MED1: variants seen among roughly 807,000 people sequenced by gnomAD.
The protein encoded by MED1 is mediator of RNA polymerase II transcription subunit 1.
In MED1, 17 loss-of-function variants were observed where a neutral mutation model predicts 121.3. The ratio of observed to expected loss-of-function variants is 0.14; its 90% CI spans 0.10 to 0.21. The LOEUF is 0.21. MED1 is among the 10% of genes least tolerant of loss of function. The pLI, the probability that MED1 is intolerant of heterozygous loss-of-function variation, is 1.00. For missense variants in MED1, 1,558 were observed against 1,919.4 expected (o/e 0.81, Z 3.52); for synonymous variants, 661 against 694.4 (o/e 0.95, Z 0.76).
rs1361283656 is a variant in MED1 at position 39,434,735 on chromosome 17, G to A, written c.429-415C>T. Reference sequence around the variant, plus strand: ...GCCAGACTCTAACTCCAGGACTTCAGCAATGCTCTCACTTCAACCTCTCAC... The same window carrying A: ...GCCAGACTCTAACTCCAGGACTTCAACAATGCTCTCACTTCAACCTCTCAC... On this transcript the variant is annotated intron_variant, in intron 6 of 16. Transcript: ENST00000300651. Among the ~76,000 whole-genome samples, 3 of 152,232 alleles carry A rather than the reference G, an allele frequency of 2.0e-5. No homozygotes were observed. The East Asian group carries it at 5.8e-4, about 29-fold the overall frequency.
intron 6 of MED1, among the ~76,000 whole-genome samples, chr17:39,438,882 G>A (rs1433553251): frequency 5.9e-5 from 9 of 152,194 alleles, no homozygotes; most frequent in South Asian, 4.1e-4. Flanking sequence ...CCAGGAGGCA[G>A]AGGTTGCAGT....
intron 14 of MED1, among the ~76,000 whole-genome samples, chr17:39,419,126 G>T (rs1396596680): frequency 2.0e-5 from 3 of 151,540 alleles, no homozygotes; most frequent in African/African-American, 7.3e-5. Context: ...GTGTTACCCA[G>T]GTTGGAGTGC....
chr17:39,415,320 TTGGAGAAGCCC>T lies in MED1; in HGVS notation c.1306_1316del (p.Gly436IlefsTer2). ...ACTCTGAGAGAGGACACACTTCAAA[TTGGAGAAGCCC>T]AGGAGAATCTAAAAGGCAAAGAGAA... On this transcript the variant is annotated frameshift_variant, in exon 15 of 17. Coordinates refer to ENST00000300651, the MANE Select transcript of MED1 (RefSeq NM_004774.4). LOFTEE classifies it high-confidence loss of function. The T allele has an allele frequency of 6.2e-7, 1 of 1,612,918 alleles. No homozygotes were observed. Among genetic ancestry groups the T allele is most frequent in the Non-Finnish European group, 8.5e-7 (1 of 1,179,134 alleles).
Position 39,408,645 on chromosome 17 carries a change from G to A in MED1, c.3576C>T (p.Ser1192=). 6.2e-7 allele frequency: 1 copy of A among 1,614,100 alleles called. No individual in the cohort carries two copies. The highest frequency in any genetic ancestry group is 8.5e-7 in the Non-Finnish European group (1 of 1,180,020). The stretch of plus-strand genomic sequence containing the variant: ...CTCCAGGTGGCCTTGAATGAGAAGG[G>A]GATATGTTTGGTTTACTTAAAGAAG... ...MNPSLSKPNI[S]PSHSRPPGGS... The change falls in exon 17 of 17, where the codon TCC becomes TCT. Residue 1192 remains serine (S), a synonymous_variant. Transcript: ENST00000300651. The surrounding 1 kb of genome is among the most constrained non-coding windows in gnomAD (Gnocchi z 4.7).
chr17:39,422,227 G>A lies in MED1; in HGVS notation c.1095+1100C>T, dbSNP rs191275333. Among the ~76,000 whole-genome samples the A allele has an allele frequency of 8.6e-5, 13 of 151,020 alleles. No homozygotes were observed. In the East Asian group the frequency reaches 2.2e-3, roughly 25 times the overall value. ...TTGCCAGGCTGAAGCGCAGTGGTGC[G>A]ATCTTGGCTCACTGCAACCTTCGTC... On this transcript the variant is annotated intron_variant, in intron 13 of 16. Coordinates refer to ENST00000300651, the MANE Select transcript of MED1 (RefSeq NM_004774.4).
At chr17:39,417,585 C>T (rs547047571) in intron 14 of MED1, among the ~76,000 whole-genome samples, 90 of 152,146 alleles carry the variant, frequency 5.9e-4, no homozygotes, top group East Asian at 7.7e-4. Flanking sequence ...GCCGAAATTG[C>T]GCCACTGCAC....
chr17:39,427,886 GTACTT>G (rs2144745845), intron 9 of MED1, 96 bp from the exon 10 acceptor site: 1 of 777,160 alleles, frequency 1.3e-6, no homozygotes, highest in African/African-American at 1.8e-5. Flanking sequence ...ATTCAAGAAA[GTACTT>G]TAACATATAT....
intron 7 of MED1, among the ~76,000 whole-genome samples, chr17:39,432,834 G>A (rs1021498998): frequency 7.9e-5 from 12 of 152,234 alleles, no homozygotes; most frequent in Admixed American, 6.5e-4. Context: ...GGAGGCCGAA[G>A]CGGGTAGATC....
rs2048500154 is a variant in MED1, at chr17:39,424,861, C to T, written c.740-123G>A. 4 of 623,812 alleles carry T rather than the reference C, an allele frequency of 6.4e-6. No individual in the cohort carries two copies. In the South Asian group the frequency reaches 7.8e-5, roughly 12 times the overall value. The allele number at this position is 623,812 out of a possible 1,614,324, so 38.6% of individuals were successfully genotyped here. ...TATAATTTATCAGATGCTGTTATTC[C>T]CTTATTTATTTATTTATGTATTTAT... On this transcript the variant is annotated intron_variant, in intron 10 of 16. Transcript: ENST00000300651.
intron 16 of MED1, 149 bp from the exon 17 acceptor site, chr17:39,410,870 A>C (rs765672772): frequency 1.6e-5 from 20 of 1,220,752 alleles, no homozygotes; most frequent in Non-Finnish European, 2.2e-5. Flanking sequence ...CAAATACCAG[A>C]GCTTTGGGTA....
chr17:39,409,609 T>C lies in MED1; in HGVS notation c.2612A>G (p.Asn871Ser). 1.2e-6 allele frequency: 2 copies of C among 1,614,226 alleles called. No homozygotes were observed. The highest frequency in any genetic ancestry group is 1.1e-5 in the South Asian group (1 of 91,088). The change falls in exon 17 of 17, where the codon AAC becomes AGC. Residue 871 changes from asparagine to serine, a missense_variant. Asn to Ser is a conservative substitution (Grantham distance 46). Coordinates refer to ENST00000300651, the MANE Select transcript of MED1 (RefSeq NM_004774.4). Reference sequence around the variant, plus strand: ...TCCAAAACCACTTTGGCTCTGGCTGTTCAATAAATCAGGATTGAAATCTAC... The same window carrying C: ...TCCAAAACCACTTTGGCTCTGGCTGCTCAATAAATCAGGATTGAAATCTAC... ...DGVDFNPDLL[N>S]SQSQSGFGEE...
chr17:39,420,341 A>G (rs1424573557), intron 13 of MED1, among the ~76,000 whole-genome samples: 1 of 151,498 alleles, frequency 6.6e-6, no homozygotes, highest in Non-Finnish European at 1.5e-5. Flanking sequence ...CTGCGACTAT[A>G]GGCACCCGCC....
At chr17:39,422,863 CTT>C (rs372712559) in intron 13 of MED1, among the ~76,000 whole-genome samples, 2 of 98,916 alleles carry the variant, frequency 2.0e-5, no homozygotes, top group Admixed American at 1.4e-4. Flanking sequence ...TCCGAGATTT[CTT>C]TTTTTTTTTT....
In MED1 at chr17:39,409,510, T is replaced by C; in HGVS notation, c.2711A>G (p.Asn904Ser). ...TCCAAGCATTGGCACCCCCAAAGTA[T>C]TTAGTGCCTGAGATGCAAATCCTTT... ...DFKGFASQAL[N>S]TLGVPMLGGD... The change falls in exon 17 of 17, where the codon AAT becomes AGT. Residue 904 changes from asparagine to serine, a missense_variant. Physicochemically the swap from Asn to Ser is conservative, Grantham distance 46 (BLOSUM62 1). Around this residue, in one of 5 missense-constraint regions of MED1, gnomAD observed 793 missense variants for 898.2 expected, o/e 0.88. Coordinates refer to ENST00000300651, the MANE Select transcript of MED1 (RefSeq NM_004774.4). 3 of 1,614,174 alleles carry C rather than the reference T, an allele frequency of 1.9e-6. No individual in the cohort carries two copies. Among genetic ancestry groups the C allele is most frequent in the Non-Finnish European group, 2.5e-6 (3 of 1,180,028 alleles).
chr17:39,435,362 G>A (rs184347365), intron 6 of MED1, among the ~76,000 whole-genome samples: 133 of 152,128 alleles, frequency 8.7e-4, no homozygotes, highest in African/African-American at 2.9e-3. Flanking sequence ...AACTACTACC[G>A]TGACCTCTGG....
At chr17:39,439,241 C>T (rs1228031587) in intron 5 of MED1, 48 bp from the exon 6 acceptor site, 2 of 1,458,386 alleles carry the variant, frequency 1.4e-6, no homozygotes, top group South Asian at 1.2e-5. Context: ...ACTTTAGCAA[C>T]TTTGAAGATA....
At position 39,407,686 on chromosome 17, in the gene MED1, C is replaced by T. The variant is rs373800161; in HGVS notation, c.4535G>A (p.Arg1512Lys). The change falls in exon 17 of 17, where the codon AGG becomes AAG. Residue 1512 changes from arginine (R) to lysine (K), a missense_variant. Transcript: ENST00000300651. The part of the protein sequence containing the change: ...KEKKKVKDKD[R>K]DRDRDKDRDK... ...TCGGTCTTTGTCCCGGTCTCGGTCC[C>T]TATCTTTGTCTTTTACTTTCTTCTT... 2.5e-6 allele frequency: 4 copies of T among 1,613,990 alleles called. No individual in the cohort carries two copies. The highest frequency in any genetic ancestry group is 2.5e-6 in the Non-Finnish European group (3 of 1,179,932).
Position 39,407,764 on chromosome 17 carries a change from A to T in MED1, c.4457T>A (p.Ile1486Asn), listed in dbSNP as rs2048316763. The change falls in exon 17 of 17, where the codon ATC (isoleucine) becomes AAC (asparagine). Residue 1486 changes from isoleucine to asparagine, a missense_variant. Ile to Asn is a moderately radical substitution (Grantham distance 149). Around this residue, in one of 5 missense-constraint regions of MED1, gnomAD observed 264 missense variants for 326.1 expected, o/e 0.81. Transcript: ENST00000300651. Reference sequence around the variant, plus strand: ...TGTGCTGTATTCTGGAAGTGGTCGGATACCATCGTCTGAGCTGGGACTATT... The same window carrying T: ...TGTGCTGTATTCTGGAAGTGGTCGGTTACCATCGTCTGAGCTGGGACTATT... ...YQNSPSSDDG[I>N]RPLPEYSTEK... 2 of 1,614,016 alleles carry T rather than the reference A, an allele frequency of 1.2e-6. No homozygotes were observed. Among genetic ancestry groups the T allele is most frequent in the African/African-American group, 2.7e-5 (2 of 74,990 alleles).
At chr17:39,426,037 C>T (rs1207719628) in intron 10 of MED1, among the ~76,000 whole-genome samples, 5 of 152,002 alleles carry the variant, frequency 3.3e-5, no homozygotes, top group African/African-American at 4.8e-5. Flanking sequence ...GAGGCCAAGG[C>T]GGGAGGATGG....
Sources: gnomAD v4.1 joint callset for allele counts (sites outside exome capture counted in the v4.1 genomes callset) on GRCh38, gnomAD v4.1.1 for gene constraint, gnomAD v4.1.1 regional missense constraint, Gnocchi (gnomAD v3.1) non-coding constraint, MANE v1.5 for transcripts, NCBI Gene and HGNC (gene_info 2026-07-23, HGNC 2026-07-21) for gene names.